Variants in NEK10 observed in about 807,000 individuals in gnomAD.
NEK10 encodes the protein serine/threonine-protein kinase Nek10.
In NEK10, 122 loss-of-function variants were observed where a neutral mutation model predicts 159.8. The ratio of observed to expected loss-of-function variants is 0.76; its 90% CI spans 0.66 to 0.89. The LOEUF (loss-of-function observed/expected upper bound fraction) is 0.89, where lower values mean the gene tolerates loss of function less well. Among genes scored for constraint, NEK10 ranks in the 40% least tolerant of loss-of-function variants. The pLI, the probability that NEK10 is intolerant of heterozygous loss-of-function variation, is 0.00. For synonymous variants in NEK10, 466 were observed against 457.1 expected (o/e 1.02, Z -0.25); for missense variants, 1,342 against 1,323.1 (o/e 1.01, Z -0.22).
At chr3:27,188,744 G>T (rs1304198345) in intron 26 of NEK10, among the ~76,000 whole-genome samples, 1 of 152,148 alleles carries the variant, frequency 6.6e-6, no homozygotes, top group Admixed American at 6.5e-5. Flanking sequence ...TTAGCCTAAA[G>T]CTGTCTCTAT....
Position 27,342,174 on chromosome 3 carries a change from A to G in NEK10, c.362+2098T>C, listed in dbSNP as rs78335522. 8.0e-3 allele frequency among the ~76,000 whole-genome samples: 1,222 copies of G among 152,200 alleles called. 15 individuals are homozygous for G. Among genetic ancestry groups the G allele is most frequent in the African/African-American group, 0.028 (1,174 of 41,536 alleles). On this transcript the variant is annotated intron_variant, in intron 5 of 35. Transcript: ENST00000691995. The stretch of plus-strand genomic sequence containing the variant: ...TTCCTCCCTTCCTTGCACACAGTAC[A>G]TGCTTACCATTTTGTTTATCAAATT...
chr3:27,269,107 A>T (rs112906089), intron 22 of NEK10, among the ~76,000 whole-genome samples: 2,344 of 152,310 alleles, frequency 0.015, 70 homozygotes, highest in African/African-American at 0.053. Context: ...ACTTGAACGG[A>T]TGAAGAGTTG....
chr3:27,179,028 G>C (rs531849431), intron 26 of NEK10, among the ~76,000 whole-genome samples: 2 of 152,270 alleles, frequency 1.3e-5, no homozygotes, highest in Admixed American at 6.5e-5. Context: ...TCGGTCTTCT[G>C]AGTAGCTGGA....
At chr3:27,331,457 T>A (rs565800841) in intron 5 of NEK10, among the ~76,000 whole-genome samples, 1 of 152,204 alleles carries the variant, frequency 6.6e-6, no homozygotes, top group Non-Finnish European at 1.5e-5. Flanking sequence ...GCTGAAGAGA[T>A]AAATTCACAG....
chr3:27,325,953 G>T (rs1178367432), intron 5 of NEK10, among the ~76,000 whole-genome samples: 1 of 152,046 alleles, frequency 6.6e-6, no homozygotes, highest in African/African-American at 2.4e-5. Context: ...TTGCCAAGGG[G>T]ACAAAGCCCA....
At chr3:27,284,792 T>C in intron 21 of NEK10, 48 bp downstream of exon 21, 1 of 1,552,542 alleles carries the variant, frequency 6.4e-7, no homozygotes, top group Non-Finnish European at 8.9e-7. Flanking sequence ...AGAAGCCAGC[T>C]CAGAACATTA....
chr3:27,134,470 T>C (rs1942978065), intron 31 of NEK10, among the ~76,000 whole-genome samples: 1 of 152,232 alleles, frequency 6.6e-6, no homozygotes, highest in Admixed American at 6.5e-5. Context: ...GACAAACTTT[T>C]GAAAGTGTGG....
At chr3:27,163,076 T>A (rs34978733) in intron 29 of NEK10, among the ~76,000 whole-genome samples, 1 of 151,808 alleles carries the variant, frequency 6.6e-6, no homozygotes, top group Non-Finnish European at 1.5e-5. Flanking sequence ...ATGTTATATA[T>A]AGTATTTTCT....
At chr3:27,162,774 T>C in intron 29 of NEK10, 36 bp from the exon 30 acceptor site, 2 of 1,613,618 alleles carry the variant, frequency 1.2e-6, no homozygotes, top group East Asian at 2.2e-5. Flanking sequence ...GAATGACCTG[T>C]TCAACTTGGA....
chr3:27,249,306 T>G (rs1392776686), intron 23 of NEK10, among the ~76,000 whole-genome samples: 3 of 152,242 alleles, frequency 2.0e-5, no homozygotes, highest in Non-Finnish European at 4.4e-5. Flanking sequence ...CAGGTAGTTC[T>G]TTATAGCAGT....
chr3:27,298,389 T>G (rs2043534908), intron 13 of NEK10, among the ~76,000 whole-genome samples: 1 of 152,174 alleles, frequency 6.6e-6, no homozygotes, highest in Non-Finnish European at 1.5e-5. Flanking sequence ...TGCTCCTCCT[T>G]GCCTTCCGCC....
chr3:27,243,055 T>A (rs1409629321), intron 23 of NEK10, among the ~76,000 whole-genome samples: 1 of 152,168 alleles, frequency 6.6e-6, no homozygotes, highest in Non-Finnish European at 1.5e-5. Context: ...AAGGATTTTT[T>A]TAAAATCCTT....
intron 23 of NEK10, among the ~76,000 whole-genome samples, chr3:27,227,846 T>C (rs1257630750): frequency 3.3e-5 from 5 of 152,354 alleles, no homozygotes; most frequent in Non-Finnish European, 5.9e-5. Flanking sequence ...ATGGCTACTT[T>C]GCCTATAGCC....
At chr3:27,257,140 T>C (rs1052719175) in intron 22 of NEK10, among the ~76,000 whole-genome samples, 9 of 152,200 alleles carry the variant, frequency 5.9e-5, no homozygotes, top group African/African-American at 2.2e-4. Context: ...GGTCTTGAAC[T>C]CCTGACCTTG....
chr3:27,280,706 A>G (rs2149440454), intron 22 of NEK10, among the ~76,000 whole-genome samples: 1 of 152,266 alleles, frequency 6.6e-6, no homozygotes, highest in African/African-American at 2.4e-5. Context: ...GACAGCCTCA[A>G]CTGGAACTCG....
intron 23 of NEK10, among the ~76,000 whole-genome samples, chr3:27,250,815 T>C (rs996089320): frequency 6.6e-6 from 1 of 152,200 alleles, no homozygotes; most frequent in Non-Finnish European, 1.5e-5. Flanking sequence ...ATGTTATTTG[T>C]TTCTTTTCTC....
At position 27,352,453 on chromosome 3, in the gene NEK10, T is replaced by G. The variant is rs2048036558; in HGVS notation, c.132+12A>C. On this transcript the variant is annotated intron_variant, in intron 3 of 35. Coordinates refer to ENST00000691995, the MANE Select transcript of NEK10 (RefSeq NM_001394966.1). ...CTTTTATTACCAAGTGAACATTCTT[T>G]GAAAACGCTACCTGTTGTTTGCTTG... The G allele has an allele frequency of 6.3e-7, 1 of 1,596,136 alleles. No homozygotes were observed. The highest frequency in any genetic ancestry group is 1.3e-5 in the African/African-American group (1 of 74,444).
chr3:27,252,992 T>A, intron 23 of NEK10: 1 of 437,620 alleles, frequency 2.3e-6, no homozygotes, highest in Non-Finnish European at 4.5e-6. Flanking sequence ...AAGAATTCTA[T>A]CAACTTTATG....
intron 22 of NEK10, among the ~76,000 whole-genome samples, chr3:27,272,995 T>A (rs7635995): frequency 6.6e-6 from 1 of 151,932 alleles, no homozygotes; most frequent in South Asian, 2.1e-4. Flanking sequence ...GGAAAACAGC[T>A]GATTGGGAAA....
Sources: allele counts gnomAD v4.1 joint callset (sites outside exome capture counted in the v4.1 genomes callset), GRCh38; gene constraint gnomAD v4.1.1; transcripts MANE v1.5; gene names NCBI Gene and HGNC (gene_info 2026-07-23, HGNC 2026-07-21).